Variants in ETS1 observed in about 807,000 individuals in gnomAD.
ETS1 encodes protein C-ets-1.
A neutral mutation model predicts 58.6 loss-of-function variants in ETS1; 15 were observed. That is an observed-to-expected ratio of 0.26 (90% CI 0.17 to 0.39). The LOEUF is 0.39. Among genes scored for constraint, ETS1 ranks in the 10% least tolerant of loss-of-function variants. The pLI is 1.00. For synonymous variants in ETS1, 214 were observed against 218.2 expected (o/e 0.98, Z 0.17); for missense variants, 417 against 610.5 (o/e 0.68, Z 3.34).
intron 3 of ETS1, among the ~76,000 whole-genome samples, chr11:128,507,411 A>G (rs967831835): frequency 1.3e-5 from 2 of 152,236 alleles, no homozygotes; most frequent in African/African-American, 4.8e-5. Context: ...ACACCACTCC[A>G]GTTGGGATTC....
chr11:128,535,099 G>C (rs895209726), intron 3 of ETS1, among the ~76,000 whole-genome samples: 5 of 152,076 alleles, frequency 3.3e-5, no homozygotes, highest in Admixed American at 6.5e-5. Flanking sequence ...GTTGTTTCTT[G>C]ACTTTTTAAT....
At position 128,460,968 on chromosome 11, in the gene ETS1, A is replaced by C. The variant is rs1308443149; in HGVS notation, c.*1393T>G. ...GGACTAATTTAAATTCTTCAAAGGAAAGCCTTGCACTTCTCTTCCAAAGAC... is the reference window on the plus strand; with the variant it reads ...GGACTAATTTAAATTCTTCAAAGGACAGCCTTGCACTTCTCTTCCAAAGAC... On this transcript the variant is annotated 3_prime_UTR_variant, in exon 10 of 10. Coordinates refer to ENST00000392668, the MANE Select transcript of ETS1 (RefSeq NM_001143820.2). 2.6e-5 allele frequency: 4 copies of C among 152,356 alleles called. No individual in the cohort carries two copies. Among genetic ancestry groups the C allele is most frequent in the Non-Finnish European group, 5.9e-5 (4 of 68,050 alleles). The allele number at this position is 152,356 out of a possible 1,614,324, so 9.4% of individuals were successfully genotyped here.
At chr11:128,575,252 T>C (rs1320449766) in intron 1 of ETS1, among the ~76,000 whole-genome samples, 1 of 152,220 alleles carries the variant, frequency 6.6e-6, no homozygotes, top group Non-Finnish European at 1.5e-5. Context: ...CAATAACTAA[T>C]ACATGACTAG....
intron 7 of ETS1, among the ~76,000 whole-genome samples, chr11:128,481,914 C>A (rs1225870230): frequency 6.6e-6 from 1 of 152,018 alleles, no homozygotes; most frequent in Non-Finnish European, 1.5e-5. Flanking sequence ...TACATCCTGA[C>A]CCCCTCTGGA....
intron 3 of ETS1, among the ~76,000 whole-genome samples, chr11:128,507,203 G>T (rs990935743): frequency 6.6e-6 from 1 of 152,120 alleles, no homozygotes; most frequent in Non-Finnish European, 1.5e-5. Context: ...TTGGTTCCCT[G>T]GCCCTGACTC....
chr11:128,479,770 G>C (rs138413165), intron 8 of ETS1, among the ~76,000 whole-genome samples: 2 of 152,092 alleles, frequency 1.3e-5, no homozygotes, highest in South Asian at 4.2e-4. Flanking sequence ...AGTCCAGTGC[G>C]GAGGCCATTC....
intron 7 of ETS1, among the ~76,000 whole-genome samples, chr11:128,481,664 A>G (rs1182126253): frequency 6.6e-6 from 1 of 152,212 alleles, no homozygotes; most frequent in Non-Finnish European, 1.5e-5. Context: ...TGATCTATAA[A>G]TTTCAAATCC....
intron 8 of ETS1, among the ~76,000 whole-genome samples, chr11:128,473,441 T>C (rs938161336): frequency 9.2e-5 from 14 of 152,320 alleles, no homozygotes; most frequent in African/African-American, 3.4e-4. Context: ...GCCTATGGTA[T>C]AGAAACTATT....
chr11:128,538,994 C>A (rs114400273), intron 3 of ETS1, among the ~76,000 whole-genome samples: 1 of 152,128 alleles, frequency 6.6e-6, no homozygotes, highest in Non-Finnish European at 1.5e-5. Flanking sequence ...TAGGGGAGAA[C>A]CAGATACACA....
chr11:128,586,630 A>G (rs929181687), intron 1 of ETS1, among the ~76,000 whole-genome samples: 1 of 152,248 alleles, frequency 6.6e-6, no homozygotes, highest in African/African-American at 2.4e-5. Flanking sequence ...GATTAAAAAC[A>G]AAAACTTACC....
intron 3 of ETS1, among the ~76,000 whole-genome samples, chr11:128,491,263 T>C (rs1040006132): frequency 2.6e-5 from 4 of 152,298 alleles, no homozygotes; most frequent in African/African-American, 9.6e-5. Context: ...TGCAAGGAAT[T>C]AAAGAAACAA....
At chr11:128,462,951 C>G (rs190010187) in intron 9 of ETS1, among the ~76,000 whole-genome samples, 2 of 152,172 alleles carry the variant, frequency 1.3e-5, no homozygotes, top group Non-Finnish European at 2.9e-5. Context: ...AAGTGTGAAG[C>G]GGAGGAGCTG....
intron 3 of ETS1, among the ~76,000 whole-genome samples, chr11:128,521,134 C>CAA (rs149502414): frequency 1.5e-4 from 19 of 127,912 alleles, no homozygotes; most frequent in South Asian, 4.9e-4. Flanking sequence ...GTGTCAAAGA[C>CAA]AAAAAAAAAA....
At position 128,497,337 on chromosome 11, in the gene ETS1, C is replaced by T. The variant is rs533604320; in HGVS notation, c.215-6761G>A. Among the ~76,000 whole-genome samples the T allele has an allele frequency of 3.3e-5, 5 of 152,270 alleles. No individual in the cohort carries two copies. The South Asian group carries it at 8.3e-4, about 25-fold the overall frequency. On this transcript the variant is annotated intron_variant, in intron 3 of 9. Coordinates refer to ENST00000392668, the MANE Select transcript of ETS1 (RefSeq NM_001143820.2). ...TGCCTCTCCCCAGAGGGAAGCTGCC[C>T]TAAGACAAAAGAGATGGTCTCCTGC...
At chr11:128,472,451 A>G (rs1470153336) in intron 8 of ETS1, among the ~76,000 whole-genome samples, 2 of 152,192 alleles carry the variant, frequency 1.3e-5, no homozygotes, top group East Asian at 3.9e-4. Context: ...GACTACTGAG[A>G]GTGTCGGGAC....
intron 7 of ETS1, among the ~76,000 whole-genome samples, chr11:128,483,276 T>C (rs10893877): frequency 0.43 from 65,115 of 151,792 alleles, 14,276 homozygotes; most frequent in Admixed American, 0.53. Context: ...AAACCAAGAA[T>C]GAAGAAAAGG....
chr11:128,584,937 GA>G (rs1157529326), intron 1 of ETS1, among the ~76,000 whole-genome samples: 31 of 63,936 alleles, frequency 4.8e-4, no homozygotes, highest in Non-Finnish European at 8.7e-4. Context: ...AGAAAAAAGA[GA>G]AAAGAAAGAA....
intron 2 of ETS1, among the ~76,000 whole-genome samples, chr11:128,562,494 C>T (rs967181258): frequency 1.3e-5 from 2 of 152,126 alleles, no homozygotes; most frequent in African/African-American, 4.8e-5. Flanking sequence ...AAACACACAC[C>T]TCTTCTCTGC....
intron 7 of ETS1, among the ~76,000 whole-genome samples, chr11:128,483,963 C>G (rs762867152): frequency 1.3e-5 from 2 of 152,198 alleles, no homozygotes; most frequent in Non-Finnish European, 2.9e-5. Context: ...AATCATCTAG[C>G]TCTTGCTAAA....
Sources: gnomAD v4.1 joint callset for allele counts (sites outside exome capture counted in the v4.1 genomes callset) on GRCh38, gnomAD v4.1.1 for gene constraint, MANE v1.5 for transcripts, NCBI Gene and HGNC (gene_info 2026-07-23, HGNC 2026-07-21) for gene names.